Variants in SNTG1 observed in about 807,000 individuals in gnomAD.
SNTG1 encodes gamma-1-syntrophin.
Under a neutral mutation model 74.7 loss-of-function variants are expected in SNTG1, and 39 were observed. The observed-to-expected ratio is 0.52, with a 90% CI of 0.40 to 0.68. SNTG1 has a LOEUF of 0.68. Among genes scored for constraint, SNTG1 ranks in the 30% least tolerant of loss-of-function variants. The probability of loss-of-function intolerance (pLI) is 0.00; values close to 1 mark genes in which losing one functional copy is unlikely to be tolerated. For synonymous variants in SNTG1, 254 were observed against 217.1 expected (o/e 1.17, Z -1.49); for missense variants, 685 against 609.5 (o/e 1.12, Z -1.30).
chr8:50,450,658 T>C (rs1188995359), intron 7 of SNTG1, 30 bp from the exon 8 acceptor site: 4 of 1,613,320 alleles, frequency 2.5e-6, no homozygotes, highest in South Asian at 2.2e-5. Flanking sequence ...CAATATGCCA[T>C]GGGAAACTAT....
intron 2 of SNTG1, among the ~76,000 whole-genome samples, chr8:50,352,093 G>T (rs2091679324): frequency 6.6e-6 from 1 of 152,166 alleles, no homozygotes; most frequent in African/African-American, 2.4e-5. Context: ...TGTACTCGGA[G>T]AACTTTGATC....
chr8:50,077,950 T>C (rs1397676259), intron 1 of SNTG1, among the ~76,000 whole-genome samples: 1 of 152,142 alleles, frequency 6.6e-6, no homozygotes, highest in African/African-American at 2.4e-5. Flanking sequence ...CCTAAATGTG[T>C]GATGTGTGTA....
At position 50,752,454 on chromosome 8, in the gene SNTG1, G is replaced by C. The variant is rs1032761440; in HGVS notation, c.1395+343G>C. Among the ~76,000 whole-genome samples, 6 of 151,706 alleles carry C rather than the reference G, an allele frequency of 4.0e-5. No homozygotes were observed. In the East Asian group the frequency reaches 1.2e-3, roughly 30 times the overall value. On this transcript the variant is annotated intron_variant, in intron 18 of 18. Coordinates refer to ENST00000642720, the MANE Select transcript of SNTG1 (RefSeq NM_018967.5). Reference sequence around the variant, plus strand: ...AATTTAAAATACTTTGTAAAAATCTGACTATATTTACATAAATTTATATAT... The same window carrying C: ...AATTTAAAATACTTTGTAAAAATCTCACTATATTTACATAAATTTATATAT...
At chr8:50,367,187 C>G (rs1374576427) in intron 2 of SNTG1, among the ~76,000 whole-genome samples, 1 of 151,196 alleles carries the variant, frequency 6.6e-6, no homozygotes, top group Non-Finnish European at 1.5e-5. Flanking sequence ...CCAAGTAGAT[C>G]AGCTTGGTAT....
At chr8:50,326,712 A>C (rs1051960549) in intron 2 of SNTG1, among the ~76,000 whole-genome samples, 2 of 147,910 alleles carry the variant, frequency 1.4e-5, no homozygotes, top group African/African-American at 5.0e-5. Flanking sequence ...CTCTAAGTTT[A>C]TTATTTTCTT....
intron 2 of SNTG1, among the ~76,000 whole-genome samples, chr8:50,219,425 G>A (rs1057080241): frequency 6.6e-6 from 1 of 152,156 alleles, no homozygotes; most frequent in African/African-American, 2.4e-5. Context: ...ATAAACACCA[G>A]TGTTTTTGTC....
chr8:50,163,517 G>A (rs557391727), intron 1 of SNTG1: 5 of 143,094 alleles, frequency 3.5e-5, no homozygotes, highest in Non-Finnish European at 7.5e-5. Flanking sequence ...TTGCTCTGGC[G>A]CCAGGTGGGA....
intron 2 of SNTG1, among the ~76,000 whole-genome samples, chr8:50,259,551 A>G (rs1416850676): frequency 7.1e-6 from 1 of 141,662 alleles, no homozygotes; most frequent in African/African-American, 2.5e-5. Flanking sequence ...AAAGAAAGAA[A>G]GAAAGAAAGA....
At position 50,791,101 on chromosome 8, in the gene SNTG1, G is replaced by T. The variant is rs527350988; in HGVS notation, c.1396-1570G>T. Among the ~76,000 whole-genome samples, 12 of 151,926 alleles carry T rather than the reference G, an allele frequency of 7.9e-5. No homozygotes were observed. The South Asian group carries it at 2.5e-3, about 31-fold the overall frequency. On this transcript the variant is annotated intron_variant, in intron 18 of 18. Transcript: ENST00000642720. ...CTTTCACATTAGGTGGATTTAATTT[G>T]GGAAGATAGAGAAAGTATTTAAAAT...
intron 13 of SNTG1, among the ~76,000 whole-genome samples, chr8:50,622,477 T>C (rs563879594): frequency 7.2e-5 from 11 of 152,330 alleles, no homozygotes; most frequent in Admixed American, 7.2e-4. Context: ...ATGTATGATA[T>C]GTATTTTGTC....
intron 13 of SNTG1, among the ~76,000 whole-genome samples, chr8:50,624,888 C>T (rs987154626): frequency 6.6e-6 from 1 of 152,130 alleles, no homozygotes; most frequent in Admixed American, 6.6e-5. Context: ...CTGTCTTCCA[C>T]ACGGAGACGT....
chr8:50,691,609 G>A (rs111277547), intron 15 of SNTG1, among the ~76,000 whole-genome samples: 78 of 152,258 alleles, frequency 5.1e-4, no homozygotes, highest in African/African-American at 1.4e-3. Flanking sequence ...AGTTTCTGCC[G>A]AGAGATCAGC....
At chr8:50,415,952 T>C (rs1343855739) in intron 4 of SNTG1, among the ~76,000 whole-genome samples, 2 of 152,160 alleles carry the variant, frequency 1.3e-5, no homozygotes, top group African/African-American at 2.4e-5. Flanking sequence ...GTGATTATGA[T>C]GAGAGAGTAA....
chr8:50,788,706 T>C (rs1441544143), intron 18 of SNTG1, among the ~76,000 whole-genome samples: 1 of 152,014 alleles, frequency 6.6e-6, no homozygotes, highest in African/African-American at 2.4e-5. Flanking sequence ...TTTGTCCAAA[T>C]TCTCAACACT....
intron 1 of SNTG1, among the ~76,000 whole-genome samples, chr8:49,973,601 A>C (rs1472297004): frequency 6.6e-6 from 1 of 152,214 alleles, no homozygotes; most frequent in Non-Finnish European, 1.5e-5. Context: ...GGCTTTCATT[A>C]ATATGCATCA....
chr8:50,287,020 A>G (rs1372979204), intron 2 of SNTG1, among the ~76,000 whole-genome samples: 2 of 151,984 alleles, frequency 1.3e-5, no homozygotes, highest in Non-Finnish European at 2.9e-5. Flanking sequence ...TTTCTTATCA[A>G]TGGCCTTGTT....
At chr8:50,773,324 C>T (rs1183347739) in intron 18 of SNTG1, among the ~76,000 whole-genome samples, 1 of 152,088 alleles carries the variant, frequency 6.6e-6, no homozygotes, top group Non-Finnish European at 1.5e-5. Flanking sequence ...TAGAAGGGCA[C>T]ATGAATGTGC....
intron 12 of SNTG1, among the ~76,000 whole-genome samples, chr8:50,581,392 A>G (rs1282541662): frequency 6.6e-6 from 1 of 152,170 alleles, no homozygotes; most frequent in Non-Finnish European, 1.5e-5. Flanking sequence ...TTTGAACAGA[A>G]ATCAATTTAA....
intron 15 of SNTG1, among the ~76,000 whole-genome samples, chr8:50,671,704 A>T (rs1376530053): frequency 6.6e-6 from 1 of 151,556 alleles, no homozygotes; most frequent in Non-Finnish European, 1.5e-5. Flanking sequence ...GTATATACCC[A>T]AAGGACTATA....
Sources: allele counts gnomAD v4.1 joint callset (sites outside exome capture counted in the v4.1 genomes callset), GRCh38; gene constraint gnomAD v4.1.1; transcripts MANE v1.5; gene names NCBI Gene and HGNC (gene_info 2026-07-23, HGNC 2026-07-21).